ADGRL2: variants seen among roughly 807,000 people sequenced by gnomAD.
ADGRL2 encodes calcium-independent alpha-latrotoxin receptor 2.
ADGRL2 carries 44 observed loss-of-function variants against 157.4 expected under a neutral mutation model. The ratio of observed to expected loss-of-function variants is 0.28; its 90% CI spans 0.22 to 0.36. The LOEUF (loss-of-function observed/expected upper bound fraction) is 0.36. ADGRL2 is among the 10% of genes least tolerant of loss of function. The pLI is 1.00. For synonymous variants in ADGRL2, 585 were observed against 624.7 expected, an observed-to-expected ratio of 0.94 and a Z score of 0.95; for missense variants, 1,510 against 1,768.9, an observed-to-expected ratio of 0.85 and a Z score of 2.63.
At chr1:81,312,290 C>T (rs1659808416) in intron 1 of ADGRL2, among the ~76,000 whole-genome samples, 3 of 152,212 alleles carry the variant, frequency 2.0e-5, no homozygotes, top group Non-Finnish European at 4.4e-5. Context: ...GACGCCATCA[C>T]CCAACCAATG....
At chr1:81,762,737 C>A (rs1240681764) in intron 2 of ADGRL2, among the ~76,000 whole-genome samples, 2 of 152,060 alleles carry the variant, frequency 1.3e-5, no homozygotes, top group South Asian at 2.1e-4. Flanking sequence ...AGAGACTTGG[C>A]AGTATATCTT....
intron 2 of ADGRL2, among the ~76,000 whole-genome samples, chr1:81,785,281 C>T (rs540365560): frequency 2.4e-4 from 36 of 151,946 alleles, no homozygotes; most frequent in Admixed American, 1.4e-3. Context: ...GATTCAAAGA[C>T]GTATAAAACT....
chr1:81,950,066 T>G, intron 6 of ADGRL2, 123 bp from the exon 7 acceptor site: 2 of 750,036 alleles, frequency 2.7e-6, no homozygotes, highest in South Asian at 3.5e-5. Flanking sequence ...TTTCCTTGGT[T>G]TGTGGGCAGA....
At chr1:81,764,915 G>T (rs910282055) in intron 2 of ADGRL2, among the ~76,000 whole-genome samples, 3 of 152,000 alleles carry the variant, frequency 2.0e-5, no homozygotes, top group African/African-American at 7.2e-5. Context: ...AATGATTAAA[G>T]GGGTAAATTT....
intron 2 of ADGRL2, among the ~76,000 whole-genome samples, chr1:81,542,620 A>T (rs1327506118): frequency 6.6e-6 from 1 of 152,228 alleles, no homozygotes; most frequent in East Asian, 1.9e-4. Context: ...TAAGGTCAAT[A>T]ACATTTGTAT....
At position 81,476,488 on chromosome 1, in the gene ADGRL2, A is replaced by C. The variant is rs370124238; in HGVS notation, c.-248+31399A>C. ...AGAAACAATGTCCCTTCTCCTTTCC[A>C]AAGTGAACACCTCCTCCACCTGTGC... On this transcript the variant is annotated intron_variant, in intron 2 of 24. Transcript: ENST00000370721. Among the ~76,000 whole-genome samples the C allele has an allele frequency of 3.3e-5, 5 of 152,316 alleles. No homozygotes were observed. In the East Asian group the frequency reaches 9.7e-4, roughly 29 times the overall value.
At chr1:81,527,184 A>G (rs2148213785) in intron 2 of ADGRL2, among the ~76,000 whole-genome samples, 1 of 152,314 alleles carries the variant, frequency 6.6e-6, no homozygotes, top group African/African-American at 2.4e-5. Context: ...GCTCTTTAGG[A>G]ACCACAAAAA....
chr1:81,322,549 TA>T (rs1660599564), intron 1 of ADGRL2, among the ~76,000 whole-genome samples: 2 of 152,076 alleles, frequency 1.3e-5, no homozygotes, highest in Non-Finnish European at 2.9e-5. Context: ...ATAGGACTGC[TA>T]AAAAAGAATA....
At chr1:81,314,098 G>A (rs1659943613) in intron 1 of ADGRL2, among the ~76,000 whole-genome samples, 1 of 152,138 alleles carries the variant, frequency 6.6e-6, no homozygotes, top group South Asian at 2.1e-4. Flanking sequence ...TTCAGATATA[G>A]CAATCTGACA....
chr1:81,475,524 A>T (rs985589380), intron 2 of ADGRL2, among the ~76,000 whole-genome samples: 1 of 152,190 alleles, frequency 6.6e-6, no homozygotes, highest in Non-Finnish European at 1.5e-5. Context: ...CTATTTTACT[A>T]TGTTACAATT....
chr1:81,844,085 A>T (rs894580502), intron 2 of ADGRL2, among the ~76,000 whole-genome samples: 2 of 152,176 alleles, frequency 1.3e-5, no homozygotes, highest in Non-Finnish European at 2.9e-5. Flanking sequence ...CCATTTTCTG[A>T]CAGAAAAGAC....
chr1:81,429,988 G>A (rs2077290394), intron 1 of ADGRL2, among the ~76,000 whole-genome samples: 1 of 152,154 alleles, frequency 6.6e-6, no homozygotes, highest in Non-Finnish European at 1.5e-5. Context: ...CCGCCTCCTG[G>A]GTTCAAGCGA....
intron 1 of ADGRL2, among the ~76,000 whole-genome samples, chr1:81,378,809 C>A (rs1036640951): frequency 6.6e-6 from 1 of 152,236 alleles, no homozygotes; most frequent in Admixed American, 6.5e-5. Context: ...AGTCCCTAAT[C>A]TTTTAACCCT....
rs140667789 is a variant in ADGRL2 at position 81,844,395 on chromosome 1, A to T, written c.73+7338A>T. On this transcript the variant is annotated intron_variant, in intron 2 of 23. Transcript: ENST00000686636. ...TCATTTTTTGAATTAATACACTTTA[A>T]TTTTTTAATATACGATAGCTTGTGA... Among the ~76,000 whole-genome samples, 1,216 of 152,264 alleles carry T rather than the reference A, an allele frequency of 8.0e-3. 7 individuals carry two copies. The highest frequency in any genetic ancestry group is 0.014 in the African/African-American group (563 of 41,552).
At chr1:81,370,569 A>C (rs1251653000) in intron 1 of ADGRL2, among the ~76,000 whole-genome samples, 1 of 152,172 alleles carries the variant, frequency 6.6e-6, no homozygotes, top group African/African-American at 2.4e-5. Flanking sequence ...AAATATAGGC[A>C]TCCTAAAAAT....
intron 1 of ADGRL2, among the ~76,000 whole-genome samples, chr1:81,803,356 A>G (rs1419213954): frequency 6.6e-6 from 1 of 152,044 alleles, no homozygotes; most frequent in Non-Finnish European, 1.5e-5. Context: ...TCCTTTCGCC[A>G]GACTGCGGGG....
At chr1:81,714,470 G>A (rs1490699772) in intron 1 of ADGRL2, among the ~76,000 whole-genome samples, 3 of 152,048 alleles carry the variant, frequency 2.0e-5, no homozygotes, top group African/African-American at 7.2e-5. Flanking sequence ...ATAGTATGGG[G>A]CAGGGCAGGG....
At chr1:81,665,327 T>C (rs1343724530) in intron 3 of ADGRL2, among the ~76,000 whole-genome samples, 7 of 152,162 alleles carry the variant, frequency 4.6e-5, no homozygotes, top group Non-Finnish European at 1.5e-5. Context: ...CCTTTAAAAA[T>C]TGATATCTTA....
At chr1:81,840,543 T>A (rs77393960) in intron 2 of ADGRL2, among the ~76,000 whole-genome samples, 3,466 of 152,238 alleles carry the variant, frequency 0.023, 138 homozygotes, top group African/African-American at 0.079. Flanking sequence ...CTAAGCATTT[T>A]TAAAGTTTGA....
Sources: allele counts gnomAD v4.1 joint callset (sites outside exome capture counted in the v4.1 genomes callset), GRCh38; gene constraint gnomAD v4.1.1; transcripts MANE v1.5; gene names NCBI Gene and HGNC (gene_info 2026-07-23, HGNC 2026-07-21).